Variants in TRERF1 observed in about 807,000 individuals in gnomAD.
TRERF1 encodes transcriptional-regulating factor 1.
TRERF1 carries 27 observed loss-of-function variants against 122.9 expected under a neutral mutation model. That is an observed-to-expected ratio of 0.22 (90% CI 0.16 to 0.30). TRERF1 has a LOEUF of 0.30. Among genes scored for constraint, TRERF1 ranks in the 10% least tolerant of loss-of-function variants. The probability of loss-of-function intolerance (pLI) is 1.00; values close to 1 mark genes in which losing one functional copy is unlikely to be tolerated. For synonymous variants in TRERF1, 636 were observed against 641.7 expected (o/e 0.99, Z 0.13); for missense variants, 1,248 against 1,560.3 (o/e 0.80, Z 3.37).
intron 16 of TRERF1, among the ~76,000 whole-genome samples, chr6:42,233,918 A>G: frequency 6.6e-6 from 1 of 152,218 alleles, no homozygotes; most frequent in Non-Finnish European, 1.5e-5. Flanking sequence ...AAATTTTAAT[A>G]CAGATGATAA....
rs928963285 is a variant in TRERF1, at chr6:42,232,379, G to T, written c.3278+302C>A. 6.6e-6 allele frequency among the ~76,000 whole-genome samples: 1 copy of T among 152,166 alleles called. No individual in the cohort carries two copies. Among genetic ancestry groups the T allele is most frequent in the Non-Finnish European group, 1.5e-5 (1 of 68,030 alleles). On this transcript the variant is annotated intron_variant, in intron 17 of 17. Transcript: ENST00000372922. The surrounding 1 kb of genome is among the most constrained non-coding windows in gnomAD (Gnocchi z 4.5). ...AGTAATGCTAGTGAACATAGCTTGG[G>T]TGTGAAGGGAAGGAGTGGGAACCAG...
intron 2 of TRERF1, among the ~76,000 whole-genome samples, chr6:42,395,249 G>A (rs1778399037): frequency 1.3e-5 from 2 of 152,300 alleles, no homozygotes; most frequent in Middle Eastern, 3.4e-3. Context: ...TAAATGTACA[G>A]CTCTATGGCT....
In TRERF1 at chr6:42,233,505, T is replaced by C. The variant is rs375165583; in HGVS notation, c.3067-613A>G. Among the ~76,000 whole-genome samples, 18 of 152,180 alleles carry C rather than the reference T, an allele frequency of 1.2e-4. No homozygotes were observed. In the South Asian group the frequency reaches 3.5e-3, roughly 30 times the overall value. On this transcript the variant is annotated intron_variant, in intron 16 of 17. Coordinates refer to ENST00000372922, the Ensembl canonical transcript of TRERF1. Reference sequence around the variant, plus strand: ...TTTCACCGTGTTAGCCAGGATGGTCTCGATCTCCTGACCTTGTGATCTGCC... The same window carrying C: ...TTTCACCGTGTTAGCCAGGATGGTCCCGATCTCCTGACCTTGTGATCTGCC...
intron 2 of TRERF1, among the ~76,000 whole-genome samples, chr6:42,436,812 AAAATATATATATATATAT>A (rs930523597): frequency 1.0e-5 from 1 of 97,958 alleles, no homozygotes. Context: ...AAAAAAAAAA[AAAATATATATATATATAT>A]ATATATATAT....
chr6:42,408,287 G>A lies in TRERF1; in HGVS notation c.-454+42890C>T, dbSNP rs1215053050. ...TGTGTATGTATATATACATACACAT[G>A]TGTGTGTATGTATATATACATACTC... On this transcript the variant is annotated intron_variant, in intron 2 of 17. Coordinates refer to ENST00000372922, the Ensembl canonical transcript of TRERF1. Among the ~76,000 whole-genome samples the A allele has an allele frequency of 1.4e-4, 18 of 130,968 alleles. No homozygotes were observed. In the East Asian group the frequency reaches 3.7e-3, roughly 27 times the overall value. The allele number at this position is 130,968 out of a possible 152,430, so 85.9% of individuals were successfully genotyped here. A position where few individuals can be genotyped will look rare whatever the true frequency, so the allele number is the denominator to read the frequency against.
At chr6:42,436,258 A>G (rs1785335549) in intron 2 of TRERF1, among the ~76,000 whole-genome samples, 1 of 151,692 alleles carries the variant, frequency 6.6e-6, no homozygotes, top group Admixed American at 6.6e-5. Context: ...AATCCCAGCT[A>G]CTTGGGAGGC....
intron 4 of TRERF1, among the ~76,000 whole-genome samples, chr6:42,289,891 C>A (rs903032352): frequency 1.3e-5 from 2 of 152,114 alleles, no homozygotes; most frequent in East Asian, 3.9e-4. Context: ...GTGAACCTGA[C>A]AGGATTAATG....
rs917712978 is a variant in TRERF1, at chr6:42,232,226, T to A, written c.3278+455A>T. Among the ~76,000 whole-genome samples, 2 of 152,244 alleles carry A rather than the reference T, an allele frequency of 1.3e-5. No homozygotes were observed. Among genetic ancestry groups the A allele is most frequent in the African/African-American group, 4.8e-5 (2 of 41,466 alleles). On this transcript the variant is annotated intron_variant, in intron 17 of 17. Coordinates refer to ENST00000372922, the Ensembl canonical transcript of TRERF1. The surrounding 1 kb of genome is among the most constrained non-coding windows in gnomAD (Gnocchi z 4.5). ...GCAAAGTGTGGTGATTGATTAGTGATGTCTGCCTTAGTCACAGAAGTAAGC... is the reference window on the plus strand; with the variant it reads ...GCAAAGTGTGGTGATTGATTAGTGAAGTCTGCCTTAGTCACAGAAGTAAGC...
exon 11 of TRERF1, chr6:42,257,017 T>C: frequency 4.3e-6 from 7 of 1,614,236 alleles, no homozygotes; most frequent in Non-Finnish European, 5.9e-6. Context: ...CATACCAGTG[T>C]GGCCTTGTGT....
chr6:42,353,467 A>G (rs1769877601), intron 3 of TRERF1, among the ~76,000 whole-genome samples: 1 of 151,974 alleles, frequency 6.6e-6, no homozygotes, highest in Non-Finnish European at 1.5e-5. Flanking sequence ...GGGTGCCTAC[A>G]ATCCCAGCTA....
chr6:42,431,575 C>A (rs1469865588), intron 2 of TRERF1, among the ~76,000 whole-genome samples: 1 of 152,152 alleles, frequency 6.6e-6, no homozygotes, highest in East Asian at 1.9e-4. Context: ...ACCTCTTTAT[C>A]CTTACGCTAA....
chr6:42,257,891 G>C (rs1443286180), intron 10 of TRERF1, among the ~76,000 whole-genome samples: 7 of 152,230 alleles, frequency 4.6e-5, no homozygotes. Context: ...TGTGGAGCCA[G>C]ACGCAGGGAC....
At chr6:42,334,096 T>C (rs1380560867) in intron 3 of TRERF1, among the ~76,000 whole-genome samples, 1 of 152,094 alleles carries the variant, frequency 6.6e-6, no homozygotes, top group Non-Finnish European at 1.5e-5. Flanking sequence ...TATATATGTG[T>C]GTGTGTGTTT....
At chr6:42,356,273 C>A (rs896955316) in intron 3 of TRERF1, among the ~76,000 whole-genome samples, 1 of 152,234 alleles carries the variant, frequency 6.6e-6, no homozygotes, top group African/African-American at 2.4e-5. Context: ...TTCTCTTCCC[C>A]CAAATTCCTA....
intron 4 of TRERF1, among the ~76,000 whole-genome samples, chr6:42,273,455 ACACT>A (rs1487624237): frequency 1.3e-5 from 2 of 152,212 alleles, no homozygotes; most frequent in Non-Finnish European, 2.9e-5. Context: ...GCAGAAAAAG[ACACT>A]CAGTATAGAT....
intron 2 of TRERF1, among the ~76,000 whole-genome samples, chr6:42,422,323 C>G (rs574769625): frequency 1.1e-4 from 16 of 152,214 alleles, no homozygotes; most frequent in Admixed American, 8.5e-4. Flanking sequence ...AGTTCAAGAA[C>G]AGCCTGGCCA....
At position 42,276,645 on chromosome 6, in the gene TRERF1, G is replaced by GT. The variant is rs1366846160; in HGVS notation, c.-258-6798dup. ...TTAGTCTTCTAAATAATTCCAGTGG[G>GT]TATTTTATAATCCAGTAACCCGATT... On this transcript the variant is annotated intron_variant, in intron 4 of 17. Transcript: ENST00000372922. This position sits in a 1 kb window ranked among gnomAD's most constrained non-coding sequence, Gnocchi z 4.3. 6.6e-6 allele frequency among the ~76,000 whole-genome samples: 1 copy of GT among 152,194 alleles called. No individual in the cohort carries two copies. Among genetic ancestry groups the GT allele is most frequent in the African/African-American group, 2.4e-5 (1 of 41,436 alleles).
chr6:42,411,769 C>T (rs1781126323), intron 2 of TRERF1, among the ~76,000 whole-genome samples: 1 of 152,102 alleles, frequency 6.6e-6, no homozygotes, highest in Admixed American at 6.5e-5. Flanking sequence ...CGTGTAGTGA[C>T]ACAGGCTTCC....
At chr6:42,438,640 G>A (rs562858849) in intron 2 of TRERF1, among the ~76,000 whole-genome samples, 1 of 151,742 alleles carries the variant, frequency 6.6e-6, no homozygotes, top group African/African-American at 2.4e-5. Context: ...AAAAAAGAAA[G>A]AAAATAACCC....
Sources: allele counts gnomAD v4.1 joint callset (sites outside exome capture counted in the v4.1 genomes callset), GRCh38; gene constraint gnomAD v4.1.1; non-coding constraint Gnocchi (gnomAD v3.1); transcripts MANE v1.5; gene names NCBI Gene and HGNC (gene_info 2026-07-23, HGNC 2026-07-21).